OTUD7A: variants seen among roughly 807,000 people sequenced by gnomAD.
OTUD7A encodes the protein OTU domain-containing protein 7A.
OTUD7A carries 12 observed loss-of-function variants against 65.7 expected under a neutral mutation model. The ratio of observed to expected loss-of-function variants is 0.18; its 90% CI spans 0.12 to 0.30. The LOEUF (loss-of-function observed/expected upper bound fraction) is 0.30. Among genes scored for constraint, OTUD7A ranks in the 10% least tolerant of loss-of-function variants. OTUD7A has a pLI of 1.00. For synonymous variants in OTUD7A, 641 were observed against 586.3 expected, an observed-to-expected ratio of 1.09 and a Z score of -1.35; for missense variants, 1,148 against 1,304.8, an observed-to-expected ratio of 0.88 and a Z score of 1.85.
rs535078785 is a variant in OTUD7A, at chr15:31,482,253, T to C, written c.*1041A>G. On this transcript the variant is annotated 3_prime_UTR_variant, in exon 13 of 13. Transcript: ENST00000307050. ...CACGATCACAGTGAGTCCCTTTACC[T>C]GGCTGAACCCAGACAGATGCAGGTG... The C allele has an allele frequency of 6.6e-6, 1 of 152,436 alleles. No individual in the cohort carries two copies. Among genetic ancestry groups the C allele is most frequent in the South Asian group, 2.1e-4 (1 of 4,834 alleles). 9.4% of individuals were successfully genotyped at this position (152,436 alleles called of 1,614,324 possible).
chr15:31,529,583 G>A (rs987908744), intron 6 of OTUD7A, among the ~76,000 whole-genome samples: 1 of 152,178 alleles, frequency 6.6e-6, no homozygotes, highest in African/African-American at 2.4e-5. Flanking sequence ...GATGAAGCAG[G>A]TAAGTGGCTG....
intron 4 of OTUD7A, among the ~76,000 whole-genome samples, chr15:31,567,272 C>T (rs916289230): frequency 6.6e-6 from 1 of 152,200 alleles, no homozygotes; most frequent in East Asian, 1.9e-4. Flanking sequence ...TTTGCCTTAG[C>T]AAAGAGCTCA....
chr15:31,823,729 A>G (rs909210411), intron 1 of OTUD7A, among the ~76,000 whole-genome samples: 4 of 152,206 alleles, frequency 2.6e-5, no homozygotes, highest in Non-Finnish European at 5.9e-5. Flanking sequence ...CCTAAAACTC[A>G]GAAGAGAAAT....
chr15:31,590,738 CAAT>C (rs1280971615), intron 3 of OTUD7A, among the ~76,000 whole-genome samples: 3 of 152,106 alleles, frequency 2.0e-5, no homozygotes, highest in Non-Finnish European at 4.4e-5. Flanking sequence ...TTAATCTAAA[CAAT>C]GATGCAAATA....
chr15:31,649,061 T>A (rs1891759488), intron 3 of OTUD7A, among the ~76,000 whole-genome samples: 1 of 152,172 alleles, frequency 6.6e-6, no homozygotes, highest in African/African-American at 2.4e-5. Context: ...ACGCCCAGCC[T>A]CTTCCTGCCT....
intron 1 of OTUD7A, among the ~76,000 whole-genome samples, chr15:31,817,059 T>C (rs1896567920): frequency 6.6e-6 from 1 of 152,098 alleles, no homozygotes; most frequent in Admixed American, 6.5e-5. Flanking sequence ...CAGAAAATAA[T>C]GAAGTGATGC....
chr15:31,634,113 C>T (rs371911911), intron 3 of OTUD7A, among the ~76,000 whole-genome samples: 5 of 152,232 alleles, frequency 3.3e-5, no homozygotes, highest in African/African-American at 1.2e-4. Flanking sequence ...CAGGAGAGAC[C>T]TGGGCACAGG....
In OTUD7A at chr15:31,558,958, G is replaced by A; in HGVS notation, c.550+11C>T. Reference sequence around the variant, plus strand: ...CTAAAGAGGGTGGGCCTGCTGGCAGGGGCAACTCACCTGCCTGCTCCAAAG... The same window carrying A: ...CTAAAGAGGGTGGGCCTGCTGGCAGAGGCAACTCACCTGCCTGCTCCAAAG... On this transcript the variant is annotated intron_variant, in intron 5 of 12. Transcript: ENST00000307050. 1 of 1,613,854 alleles carries A rather than the reference G, an allele frequency of 6.2e-7. No individual in the cohort carries two copies. Among genetic ancestry groups the A allele is most frequent in the Non-Finnish European group, 8.5e-7 (1 of 1,179,864 alleles).
At chr15:31,842,442 G>C (rs1897206042) in intron 1 of OTUD7A, among the ~76,000 whole-genome samples, 1 of 152,184 alleles carries the variant, frequency 6.6e-6, no homozygotes, top group Non-Finnish European at 1.5e-5. Flanking sequence ...CCTGCTCCCA[G>C]AACTTGTTTT....
chr15:31,505,044 T>C (rs1408720571), intron 8 of OTUD7A, among the ~76,000 whole-genome samples: 10 of 152,132 alleles, frequency 6.6e-5, no homozygotes, highest in African/African-American at 2.2e-4. Flanking sequence ...AGTAAGGCTA[T>C]TTTTATATTT....
intron 4 of OTUD7A, among the ~76,000 whole-genome samples, chr15:31,559,990 A>C (rs1389766598): frequency 6.6e-6 from 1 of 152,222 alleles, no homozygotes; most frequent in African/African-American, 2.4e-5. Flanking sequence ...CCACTTAGTA[A>C]GTGGGGAGCT....
chr15:31,562,482 A>G lies in OTUD7A; in HGVS notation c.332-3295T>C, dbSNP rs1486019397. Among the ~76,000 whole-genome samples the G allele has an allele frequency of 4.0e-5, 6 of 151,298 alleles. No homozygotes were observed. The East Asian group carries it at 1.2e-3, about 29-fold the overall frequency. ...CCTGCCCTGCCTTCCCATAGAAACCACCTCAAAGGCTTTGGCCCATGCTTC... is the reference window on the plus strand; with the variant it reads ...CCTGCCCTGCCTTCCCATAGAAACCGCCTCAAAGGCTTTGGCCCATGCTTC... On this transcript the variant is annotated intron_variant, in intron 4 of 12. Coordinates refer to ENST00000307050, the MANE Select transcript of OTUD7A (RefSeq NM_001382637.1).
rs147784448 is a variant in OTUD7A at position 31,655,227 on chromosome 15, G to A, written c.20C>T (p.Pro7Leu). 1,556 of 1,452,770 alleles carry A rather than the reference G, an allele frequency of 1.1e-3. 16 individuals are homozygous for A. In the African/African-American group the frequency reaches 0.02, roughly 19 times the overall value. 90.0% of individuals were successfully genotyped at this position (1,452,770 alleles called of 1,614,324 possible). ...CCAACACTCAGCCGAGGTGGGGTTT[G>A]GAAGCACACTAGAAACCATCCATCT... MVSSVL[P>L]NPTSAECWAA... Residue 7 changes from proline (P) to leucine (L), a missense_variant, in exon 3 of 13, where the codon CCA (proline) becomes CTA (leucine). Pro to Leu is a moderately conservative substitution (Grantham distance 98). Around this residue, in one of 6 missense-constraint regions of OTUD7A, gnomAD observed 38 missense variants for 85.7 expected, o/e 0.44. Transcript: ENST00000307050.
chr15:31,843,276 T>C (rs576964199), intron 1 of OTUD7A, among the ~76,000 whole-genome samples: 1 of 151,784 alleles, frequency 6.6e-6, no homozygotes, highest in South Asian at 2.1e-4. Context: ...CAAGACATTT[T>C]TTTTTTCTGA....
intron 3 of OTUD7A, among the ~76,000 whole-genome samples, chr15:31,632,132 GA>G (rs1651203752): frequency 6.6e-6 from 1 of 152,188 alleles, no homozygotes; most frequent in African/African-American, 2.4e-5. Flanking sequence ...TTGCTGGTGA[GA>G]AGGTGCGTTC....
At position 31,479,879 on chromosome 15, in the gene OTUD7A, T is replaced by C. The variant is rs1228775980; in HGVS notation, c.*3415A>G. On this transcript the variant is annotated 3_prime_UTR_variant, in exon 13 of 13. Transcript: ENST00000307050. ...AGATTCAAATGCCACTGGGTGGTAA[T>C]AGGTATGAAAAGGTCCACAGTAATT... 1.3e-5 allele frequency: 2 copies of C among 152,164 alleles called. 1 individual carries two copies. Among genetic ancestry groups the C allele is most frequent in the South Asian group, 4.1e-4 (2 of 4,824 alleles). 9.4% of individuals were successfully genotyped at this position (152,164 alleles called of 1,614,324 possible).
intron 3 of OTUD7A, among the ~76,000 whole-genome samples, chr15:31,573,695 G>C (rs973492860): frequency 1.3e-5 from 2 of 152,300 alleles, no homozygotes; most frequent in African/African-American, 4.8e-5. Context: ...GAGGTCAGGA[G>C]TTTGAGACTA....
intron 5 of OTUD7A, among the ~76,000 whole-genome samples, chr15:31,533,859 G>A (rs1372444428): frequency 6.6e-6 from 1 of 152,142 alleles, no homozygotes; most frequent in African/African-American, 2.4e-5. Context: ...TTCAATGTAT[G>A]TTGAATAAAT....
intron 1 of OTUD7A, among the ~76,000 whole-genome samples, chr15:31,687,942 G>A (rs1236477759): frequency 6.6e-6 from 1 of 152,176 alleles, no homozygotes. Flanking sequence ...CAGGCTGGAC[G>A]TGGTGGCTCA....
Sources: gnomAD v4.1 joint callset for allele counts (sites outside exome capture counted in the v4.1 genomes callset) on GRCh38, gnomAD v4.1.1 for gene constraint, gnomAD v4.1.1 regional missense constraint, MANE v1.5 for transcripts, NCBI Gene and HGNC (gene_info 2026-07-23, HGNC 2026-07-21) for gene names.